BTG4: variants seen among roughly 807,000 people sequenced by gnomAD.
The protein encoded by BTG4 is BTG anti-proliferation factor 4, also known as protein BTG4.
BTG4 carries 10 observed loss-of-function variants against 19.3 expected under a neutral mutation model. That is an observed-to-expected ratio of 0.52 (90% CI 0.32 to 0.88). The LOEUF is 0.88. BTG4 is among the 40% of genes least tolerant of loss of function. The pLI is 0.04. For missense variants in BTG4, 238 were observed against 281.9 expected (o/e 0.84, Z 1.11); for synonymous variants, 91 against 95.7 (o/e 0.95, Z 0.29).
chr11:111,453,600 C>A, the BTG4 span: 1 of 440,340 alleles, frequency 2.3e-6, no homozygotes, highest in Non-Finnish European at 4.6e-6. Flanking sequence ...GACAGGTGGG[C>A]TAGAATCCCA....
In BTG4 at chr11:111,501,520, A is replaced by C. The variant is rs12292625; in HGVS notation, c.-26-2718T>G. 2.5e-3 allele frequency among the ~76,000 whole-genome samples: 370 copies of C among 146,462 alleles called. 3 individuals are homozygous for C. Among genetic ancestry groups the C allele is most frequent in the African/African-American group, 9.7e-3 (351 of 36,084 alleles). ...ATCAAAGTTGGTTAAGGATACAAAA[A>C]TAGATAGAAGAAATTAGTTATAGTA... is the stretch of plus-strand genomic sequence containing the variant. On this transcript the variant is annotated intron_variant, in intron 1 of 4. Coordinates refer to ENST00000692032, the MANE Select transcript of BTG4 (RefSeq NM_001367975.1).
At chr11:111,500,679 C>CTT (rs71303204) in intron 1 of BTG4, among the ~76,000 whole-genome samples, 17,384 of 149,968 alleles carry the variant, frequency 0.12, 1,226 homozygotes, top group Non-Finnish European at 0.17. Context: ...GAGTAATCCT[C>CTT]TTTTTTTTTT....
the BTG4 span, among the ~76,000 whole-genome samples, chr11:111,441,166 A>G: frequency 6.6e-6 from 1 of 151,744 alleles, no homozygotes; most frequent in African/African-American, 2.4e-5. Flanking sequence ...GAAATATGCA[A>G]GCCATACAAA....
intron 5 of BTG4, among the ~76,000 whole-genome samples, chr11:111,478,707 G>C (rs1864546087): frequency 6.6e-6 from 1 of 152,052 alleles, no homozygotes; most frequent in Non-Finnish European, 1.5e-5. Flanking sequence ...AATGAAAAAT[G>C]TAAAAACTAA....
chr11:111,447,644 A>G, the BTG4 span, among the ~76,000 whole-genome samples: 1 of 152,176 alleles, frequency 6.6e-6, no homozygotes, highest in Non-Finnish European at 1.5e-5. Flanking sequence ...AACCGTGGAG[A>G]GCAGAGGCGG....
chr11:111,398,055 G>C, the BTG4 span: 2 of 152,318 alleles, frequency 1.3e-5, no homozygotes, highest in Admixed American at 6.5e-5. Flanking sequence ...TGGGGCATGA[G>C]TGGAAAGAAG....
At chr11:111,444,717 A>T in the BTG4 span, among the ~76,000 whole-genome samples, 12 of 152,350 alleles carry the variant, frequency 7.9e-5, no homozygotes, top group Admixed American at 3.9e-4. Flanking sequence ...TTTAAAAAAT[A>T]AAAATTAAAA....
the BTG4 span, among the ~76,000 whole-genome samples, chr11:111,408,750 G>A: frequency 2.8e-4 from 42 of 152,314 alleles, no homozygotes; most frequent in South Asian, 2.1e-3. Flanking sequence ...AGTGAGCATC[G>A]TGCACCTATT....
rs1172391212 is a variant in BTG4 at position 111,495,237 on chromosome 11, G to A, written c.588C>T (p.Gly196=). 6.2e-7 allele frequency: 1 copy of A among 1,612,766 alleles called. No individual in the cohort carries two copies. The highest frequency in any genetic ancestry group is 1.7e-5 in the Admixed American group (1 of 59,700). ...RKKNVVDGRV[G]LLGNTYHGSQ... is the part of the protein sequence containing the mutation. ...AGCCATGGTAAGTGTTTCCCAGGAG[G>A]CCAACACGGCCGTCCACCACATTCT... Residue 196 remains glycine (G), a synonymous_variant, in exon 5 of 5, where the codon GGC becomes GGT. Transcript: ENST00000692032.
At chr11:111,495,705 A>C (rs1009951180) in intron 4 of BTG4, among the ~76,000 whole-genome samples, 4 of 152,176 alleles carry the variant, frequency 2.6e-5, no homozygotes, top group African/African-American at 7.2e-5. Context: ...TACAGATCAC[A>C]CTTTGAAAAG....
chr11:111,419,325 C>T, the BTG4 span, among the ~76,000 whole-genome samples: 1,732 of 152,324 alleles, frequency 0.011, 28 homozygotes, highest in African/African-American at 0.04. Flanking sequence ...AGGCCTGTAA[C>T]TGCCTTCCTT....
At chr11:111,430,422 C>G in the BTG4 span, among the ~76,000 whole-genome samples, 10 of 152,244 alleles carry the variant, frequency 6.6e-5, no homozygotes, top group Non-Finnish European at 1.2e-4. Context: ...TATGTAAACA[C>G]TAGGGCAGAG....
chr11:111,423,700 C>T, the BTG4 span, among the ~76,000 whole-genome samples: 1 of 152,154 alleles, frequency 6.6e-6, no homozygotes, highest in African/African-American at 2.4e-5. Context: ...TCATTTAATA[C>T]ACAAAAACAA....
intron 5 of BTG4, among the ~76,000 whole-genome samples, chr11:111,489,148 A>AG (rs1433190721): frequency 6.6e-6 from 1 of 152,026 alleles, no homozygotes; most frequent in East Asian, 1.9e-4. Flanking sequence ...CATCTCAAAA[A>AG]AAAAAAAGAC....
intron 5 of BTG4, among the ~76,000 whole-genome samples, chr11:111,487,604 C>G (rs605622): frequency 0.94 from 142,339 of 152,138 alleles, 67,347 homozygotes; most frequent in East Asian, 1. Context: ...GGAAGCCCTA[C>G]CCAGAACAAC....
At chr11:111,425,394 G>A in the BTG4 span, among the ~76,000 whole-genome samples, 1 of 152,046 alleles carries the variant, frequency 6.6e-6, no homozygotes, top group South Asian at 2.1e-4. Context: ...TCCCTCCAAG[G>A]ATACAGTCGA....
At chr11:111,473,757 CA>C (rs1202757032) in intron 5 of BTG4, among the ~76,000 whole-genome samples, 9 of 152,204 alleles carry the variant, frequency 5.9e-5, no homozygotes, top group Admixed American at 3.3e-4. Flanking sequence ...TCCCTTTAGG[CA>C]GGTAACATAT....
intron 5 of BTG4, among the ~76,000 whole-genome samples, chr11:111,473,583 G>A (rs1033430119): frequency 6.6e-6 from 1 of 152,112 alleles, no homozygotes; most frequent in Non-Finnish European, 1.5e-5. Flanking sequence ...CTTCCTTTAA[G>A]AGCTTCTCCT....
At chr11:111,396,760 A>T in the BTG4 span, 5 of 152,308 alleles carry the variant, frequency 3.3e-5, no homozygotes, top group Non-Finnish European at 5.9e-5. Flanking sequence ...TCACTTTTTG[A>T]TAATTAATCG....
Sources: allele counts gnomAD v4.1 joint callset (sites outside exome capture counted in the v4.1 genomes callset), GRCh38; gene constraint gnomAD v4.1.1; transcripts MANE v1.5; gene names NCBI Gene and HGNC (gene_info 2026-07-23, HGNC 2026-07-21).